The following ETS1 variants were observed in gnomAD, a reference collection of about 807,000 sequenced individuals.
ETS1 encodes ETS proto-oncogene 1, transcription factor, also known as protein C-ets-1.
ETS1 carries 15 observed loss-of-function variants against 58.6 expected under a neutral mutation model. The observed-to-expected ratio is 0.26, with a 90% CI of 0.17 to 0.39. ETS1 has a LOEUF of 0.39. Ranked by LOEUF, ETS1 falls within the 10% of genes least tolerant of loss-of-function variation. ETS1 has a pLI of 1.00. For synonymous variants in ETS1, 214 were observed against 218.2 expected (o/e 0.98, Z 0.17); for missense variants, 417 against 610.5 (o/e 0.68, Z 3.34).
Position 128,462,593 on chromosome 11 carries a change from AAAAT to A in ETS1, c.1243-21_1243-18del, listed in dbSNP as rs771714129. 4.4e-6 allele frequency: 7 copies of A among 1,609,176 alleles called. No homozygotes were observed. Among genetic ancestry groups the A allele is most frequent in the Non-Finnish European group, 5.1e-6 (6 of 1,175,876 alleles). On this transcript the variant is annotated intron_variant, in intron 9 of 9. Coordinates refer to ENST00000392668, the MANE Select transcript of ETS1 (RefSeq NM_001143820.2). ...CCTGGCCACCTGAAATTTAAAAAGAAAAATAAAGGAGGAGTAGGCAAAAATCTAC... is the reference window on the plus strand; with the variant it reads ...CCTGGCCACCTGAAATTTAAAAAGAAAAAGGAGGAGTAGGCAAAAATCTAC...
chr11:128,527,155 G>T (rs940265202), intron 3 of ETS1: 2 of 342,326 alleles, frequency 5.8e-6, no homozygotes, highest in African/African-American at 4.4e-5. Flanking sequence ...TTGTCTTTGG[G>T]CAAATACATT....
At chr11:128,485,171 T>A in intron 6 of ETS1, 100 bp from the exon 7 acceptor site, 1 of 1,054,380 alleles carries the variant, frequency 9.5e-7, no homozygotes, top group Non-Finnish European at 1.4e-6. Flanking sequence ...ACAAGCTCCT[T>A]AGAGAATAAG....
chr11:128,583,438 G>C (rs1455045612), intron 1 of ETS1, among the ~76,000 whole-genome samples: 1 of 152,180 alleles, frequency 6.6e-6, no homozygotes, highest in African/African-American at 2.4e-5. Context: ...CAAGAAACTG[G>C]CAATGGTGCT....
chr11:128,532,732 T>C (rs1250433748), intron 3 of ETS1, among the ~76,000 whole-genome samples: 1 of 152,146 alleles, frequency 6.6e-6, no homozygotes, highest in Non-Finnish European at 1.5e-5. Flanking sequence ...CTTGTTCTTC[T>C]TTTCTCTTAC....
intron 7 of ETS1, among the ~76,000 whole-genome samples, chr11:128,481,954 C>T (rs1008238258): frequency 3.3e-5 from 5 of 152,144 alleles, no homozygotes; most frequent in African/African-American, 9.7e-5. Context: ...TGGTGTCATC[C>T]GTTTCATCTC....
intron 3 of ETS1, 142 bp downstream of exon 3, chr11:128,556,149 G>T: frequency 1.5e-6 from 1 of 667,998 alleles, no homozygotes; most frequent in Non-Finnish European, 2.4e-6. Flanking sequence ...TATGGAGAAG[G>T]CCCGGGACTT....
chr11:128,488,231 C>T (rs1458894653), intron 5 of ETS1, among the ~76,000 whole-genome samples: 1 of 152,180 alleles, frequency 6.6e-6, no homozygotes, highest in Non-Finnish European at 1.5e-5. Context: ...TGCCTGCCAT[C>T]CTCGGTAAAA....
intron 8 of ETS1, among the ~76,000 whole-genome samples, chr11:128,468,639 A>C (rs898784624): frequency 6.6e-6 from 1 of 152,034 alleles, no homozygotes; most frequent in African/African-American, 2.4e-5. Flanking sequence ...TTTCTTCCAA[A>C]CAGAAGGAGG....
intron 3 of ETS1, among the ~76,000 whole-genome samples, chr11:128,512,704 T>C (rs4356241): frequency 0.91 from 138,271 of 152,352 alleles, 62,884 homozygotes; most frequent in South Asian, 0.97. Context: ...AGGCCTGGCC[T>C]TTCCCTCTGT....
At chr11:128,554,132 C>T (rs1160963712) in intron 3 of ETS1, among the ~76,000 whole-genome samples, 1 of 152,146 alleles carries the variant, frequency 6.6e-6, no homozygotes, top group Non-Finnish European at 1.5e-5. Context: ...CCTCCAACTC[C>T]TTCGTCTGGG....
chr11:128,547,829 G>A (rs1565405128), intron 3 of ETS1, among the ~76,000 whole-genome samples: 4 of 152,054 alleles, frequency 2.6e-5, no homozygotes, highest in Admixed American at 6.5e-5. Flanking sequence ...GTGGCCAACT[G>A]ACTAGATCAA....
intron 3 of ETS1, among the ~76,000 whole-genome samples, chr11:128,524,191 A>T (rs1863756171): frequency 6.6e-6 from 1 of 152,230 alleles, no homozygotes; most frequent in South Asian, 2.1e-4. Flanking sequence ...CAAATTAGAT[A>T]CTAAAAAAGC....
intron 1 of ETS1, among the ~76,000 whole-genome samples, chr11:128,582,080 C>T (rs953020996): frequency 1.3e-5 from 2 of 152,132 alleles, no homozygotes; most frequent in Admixed American, 1.3e-4. Flanking sequence ...AGCTTGCTAG[C>T]ATTCTTATAT....
At chr11:128,527,141 T>C (rs143738964) in intron 3 of ETS1, 1 of 353,542 alleles carries the variant, frequency 2.8e-6, no homozygotes, top group Non-Finnish European at 5.6e-6. Context: ...CTACACTGGA[T>C]GTATTGTCTT....
chr11:128,549,461 C>T lies in ETS1; in HGVS notation c.214+6830G>A, dbSNP rs941657978. On this transcript the variant is annotated intron_variant, in intron 3 of 9. Transcript: ENST00000392668. This position sits in a 1 kb window ranked among gnomAD's most constrained non-coding sequence, Gnocchi z 4.3. ...AAACTGCTTGAATCGCATAAGAACC[C>T]GGTGCCCCAGGGACCTTTTCCCAAC... is the stretch of plus-strand genomic sequence containing the variant. Among the ~76,000 whole-genome samples, 3 of 152,194 alleles carry T rather than the reference C, an allele frequency of 2.0e-5. No individual in the cohort carries two copies. Among genetic ancestry groups the T allele is most frequent in the African/African-American group, 7.2e-5 (3 of 41,440 alleles).
chr11:128,545,135 GC>G (rs1864114909), intron 3 of ETS1, among the ~76,000 whole-genome samples: 10 of 152,146 alleles, frequency 6.6e-5, no homozygotes, highest in Admixed American at 6.5e-4. Context: ...CTCTGGAGGA[GC>G]TTTGCAAATT....
rs988261955 is a variant in ETS1 at position 128,549,413 on chromosome 11, C to T, written c.214+6878G>A. ...CGGCGTCCACCGTCCCACCCCCGTG[C>T]GAGGAGTTCCAGGAGAGGGGTCAAA... On this transcript the variant is annotated intron_variant, in intron 3 of 9. Coordinates refer to ENST00000392668, the MANE Select transcript of ETS1 (RefSeq NM_001143820.2). This position sits in a 1 kb window ranked among gnomAD's most constrained non-coding sequence, Gnocchi z 4.3. Among the ~76,000 whole-genome samples, 1 of 152,218 alleles carries T rather than the reference C, an allele frequency of 6.6e-6. No individual in the cohort carries two copies. The highest frequency in any genetic ancestry group is 6.5e-5 in the Admixed American group (1 of 15,290).
intron 8 of ETS1, 122 bp downstream of exon 8, chr11:128,480,069 C>T (rs1862438689): frequency 2.3e-6 from 3 of 1,303,744 alleles, no homozygotes; most frequent in African/African-American, 2.9e-5. Context: ...AGAGACTTCT[C>T]CCCCGTGCCC....
rs73565214 is a variant in ETS1 at position 128,514,085 on chromosome 11, C to T, written c.215-23509G>A. ...CAAAAAACCCGTATCTACAAACACT[C>T]ACCAGGCTTAGCAGATTCCTGTGCC... On this transcript the variant is annotated intron_variant, in intron 3 of 9. Coordinates refer to ENST00000392668, the MANE Select transcript of ETS1 (RefSeq NM_001143820.2). Among the ~76,000 whole-genome samples, 253 of 152,292 alleles carry T rather than the reference C, an allele frequency of 1.7e-3. 1 individual carries two copies. The highest frequency in any genetic ancestry group is 5.9e-3 in the African/African-American group (244 of 41,544).
Sources: gnomAD v4.1 joint callset for allele counts (sites outside exome capture counted in the v4.1 genomes callset) on GRCh38, gnomAD v4.1.1 for gene constraint, Gnocchi (gnomAD v3.1) non-coding constraint, MANE v1.5 for transcripts, NCBI Gene and HGNC (gene_info 2026-07-23, HGNC 2026-07-21) for gene names.